Variants in SLC7A14 observed in about 807,000 individuals in gnomAD.
The protein encoded by SLC7A14 is gamma-aminobutyric acid transporter SLC7A14.
In SLC7A14, 37 loss-of-function variants were observed where a neutral mutation model predicts 60.2. The observed-to-expected ratio is 0.61, with a 90% CI of 0.47 to 0.81. The LOEUF is 0.81. Among genes scored for constraint, SLC7A14 ranks in the 30% least tolerant of loss-of-function variants. The pLI, the probability that SLC7A14 is intolerant of heterozygous loss-of-function variation, is 0.00. For synonymous variants in SLC7A14, 399 were observed against 395.8 expected, an observed-to-expected ratio of 1.01 and a Z score of -0.10; for missense variants, 886 against 982.7, an observed-to-expected ratio of 0.90 and a Z score of 1.32.
chr3:170,507,362 A>C (rs539038445), intron 2 of SLC7A14, among the ~76,000 whole-genome samples: 5 of 152,136 alleles, frequency 3.3e-5, no homozygotes, highest in Non-Finnish European at 7.3e-5. Context: ...AGCTGATTCC[A>C]TGTGGCCAGT....
chr3:170,504,312 A>T (rs1300603731), intron 2 of SLC7A14, among the ~76,000 whole-genome samples: 2 of 151,988 alleles, frequency 1.3e-5, no homozygotes, highest in African/African-American at 2.4e-5. Flanking sequence ...ATTTTATTTT[A>T]TTTTTTTAAT....
chr3:170,540,144 C>A (rs545722807), intron 1 of SLC7A14, among the ~76,000 whole-genome samples: 4 of 152,226 alleles, frequency 2.6e-5, no homozygotes, highest in Admixed American at 2.6e-4. Context: ...TGTGAGATTT[C>A]ATTATGCTAC....
intron 1 of SLC7A14, among the ~76,000 whole-genome samples, chr3:170,543,881 C>T (rs1226911344): frequency 6.6e-6 from 1 of 151,178 alleles, no homozygotes; most frequent in Non-Finnish European, 1.5e-5. Flanking sequence ...TCCCAAGTAG[C>T]TGGGACTACA....
chr3:170,526,971 A>G lies in SLC7A14; in HGVS notation c.-35T>C. On this transcript the variant is annotated 5_prime_UTR_variant, in exon 2 of 8. Transcript: ENST00000231706. ...TAGGGGATGCAGTGAAGGTCAGCTG[A>G]TGGAAGGGGGCTACAAAGCCTTAGT... 1 of 1,585,854 alleles carries G rather than the reference A, an allele frequency of 6.3e-7. No homozygotes were observed. The highest frequency in any genetic ancestry group is 8.6e-7 in the Non-Finnish European group (1 of 1,166,198).
At chr3:170,499,322 A>G (rs755703991) in intron 3 of SLC7A14, among the ~76,000 whole-genome samples, 3 of 148,176 alleles carry the variant, frequency 2.0e-5, no homozygotes, top group African/African-American at 5.1e-5. Flanking sequence ...GCACCTACAC[A>G]TGCCTATGCT....
In SLC7A14 at chr3:170,465,461, T is replaced by C. The variant is rs1473104909; in HGVS notation, c.*1594A>G. On this transcript the variant is annotated 3_prime_UTR_variant, in exon 8 of 8. Coordinates refer to ENST00000231706, the MANE Select transcript of SLC7A14 (RefSeq NM_020949.3). ...AACCAGTGTTAGTTGAATGAAAAAATGGACTTTTACCTCCTTGCCATAATC... is the reference window on the plus strand; with the variant it reads ...AACCAGTGTTAGTTGAATGAAAAAACGGACTTTTACCTCCTTGCCATAATC... The C allele has an allele frequency of 6.6e-6, 1 of 152,328 alleles. No individual in the cohort carries two copies. Among genetic ancestry groups the C allele is most frequent in the Admixed American group, 6.5e-5 (1 of 15,310 alleles). The allele number at this position is 152,328 out of a possible 1,614,324, so 9.4% of individuals were successfully genotyped here. A position where few individuals can be genotyped will look rare whatever the true frequency, so the allele number is the denominator to read the frequency against.
At chr3:170,496,017 A>T in intron 4 of SLC7A14, 2 of 1,169,970 alleles carry the variant, frequency 1.7e-6, no homozygotes, top group South Asian at 1.2e-5. Context: ...ATTTGTCCTC[A>T]TCAAGAAGGA....
At chr3:170,502,945 G>A (rs968200556) in intron 2 of SLC7A14, 2 of 152,130 alleles carry the variant, frequency 1.3e-5, no homozygotes, top group Non-Finnish European at 2.9e-5. Flanking sequence ...ACTCTCTTAC[G>A]GATCTCCTAA....
chr3:170,512,092 C>A (rs1712997626), intron 2 of SLC7A14, among the ~76,000 whole-genome samples: 1 of 152,216 alleles, frequency 6.6e-6, no homozygotes, highest in Non-Finnish European at 1.5e-5. Context: ...AGGAAGCAGG[C>A]AGTGTCCCAT....
At position 170,546,753 on chromosome 3, in the gene SLC7A14, G is replaced by A. The variant is rs572116830; in HGVS notation, c.-152-19665C>T. Among the ~76,000 whole-genome samples, 4 of 152,190 alleles carry A rather than the reference G, an allele frequency of 2.6e-5. No homozygotes were observed. In the South Asian group the frequency reaches 8.3e-4, roughly 32 times the overall value. ...TACTGATGGACAGCTTGCCTTAGAG[G>A]GTGATTTGATCAGTCTTTCACGTCT... On this transcript the variant is annotated intron_variant, in intron 1 of 7. Transcript: ENST00000231706.
chr3:170,494,777 C>G (rs1363205302), intron 4 of SLC7A14, among the ~76,000 whole-genome samples: 2 of 152,216 alleles, frequency 1.3e-5, no homozygotes, highest in Non-Finnish European at 2.9e-5. Context: ...TTTTCTATCT[C>G]TTAATGTTCC....
intron 1 of SLC7A14, among the ~76,000 whole-genome samples, chr3:170,547,116 C>A (rs185620065): frequency 5.4e-4 from 82 of 152,092 alleles, no homozygotes; most frequent in Middle Eastern, 3.4e-3. Context: ...GACACCATAC[C>A]CCTTCCCCTC....
At chr3:170,569,105 G>A (rs1029255381) in intron 1 of SLC7A14, among the ~76,000 whole-genome samples, 2 of 152,106 alleles carry the variant, frequency 1.3e-5, no homozygotes, top group African/African-American at 4.8e-5. Context: ...CAAAGGGAAT[G>A]CTTCCAGTTT....
At chr3:170,560,692 A>G (rs543632806) in intron 1 of SLC7A14, among the ~76,000 whole-genome samples, 5 of 152,358 alleles carry the variant, frequency 3.3e-5, no homozygotes, top group African/African-American at 4.8e-5. Context: ...GGAAAACAAC[A>G]GTGAACAAAA....
chr3:170,486,622 A>C (rs113411510), intron 4 of SLC7A14, among the ~76,000 whole-genome samples: 22,304 of 148,126 alleles, frequency 0.15, 3,072 homozygotes, highest in African/African-American at 0.37. Flanking sequence ...GCCTGTAATC[A>C]CAGCACTTTG....
At chr3:170,546,995 T>C (rs1387604815) in intron 1 of SLC7A14, among the ~76,000 whole-genome samples, 1 of 152,196 alleles carries the variant, frequency 6.6e-6, no homozygotes. Flanking sequence ...GAGATTTATA[T>C]TGAATTGGTC....
intron 7 of SLC7A14, among the ~76,000 whole-genome samples, chr3:170,474,539 A>T (rs2108265665): frequency 6.6e-6 from 1 of 152,158 alleles, no homozygotes; most frequent in African/African-American, 2.4e-5. Context: ...CAATTTTGAC[A>T]TTGGAAGAGC....
At chr3:170,519,938 A>T (rs896539984) in intron 2 of SLC7A14, among the ~76,000 whole-genome samples, 1 of 152,178 alleles carries the variant, frequency 6.6e-6, no homozygotes, top group Non-Finnish European at 1.5e-5. Context: ...CAAATGTCTG[A>T]CTGGCACAGC....
rs1030011351 is a variant in SLC7A14 at position 170,535,310 on chromosome 3, C to A, written c.-152-8222G>T. ...TCATTAATCAGATATTACTGGGAAA[C>A]CTCTCTGTTAGAAGGGACAAATAAT... On this transcript the variant is annotated intron_variant, in intron 1 of 7. Coordinates refer to ENST00000231706, the MANE Select transcript of SLC7A14 (RefSeq NM_020949.3). The surrounding 1 kb of genome is among the most constrained non-coding windows in gnomAD (Gnocchi z 4.3). Among the ~76,000 whole-genome samples, 4 of 152,074 alleles carry A rather than the reference C, an allele frequency of 2.6e-5. No homozygotes were observed. Among genetic ancestry groups the A allele is most frequent in the African/African-American group, 9.7e-5 (4 of 41,418 alleles).
Sources: allele counts gnomAD v4.1 joint callset (sites outside exome capture counted in the v4.1 genomes callset), GRCh38; gene constraint gnomAD v4.1.1; non-coding constraint Gnocchi (gnomAD v3.1); transcripts MANE v1.5; gene names NCBI Gene and HGNC (gene_info 2026-07-23, HGNC 2026-07-21).